Variants in KLHL1 observed in about 807,000 individuals in gnomAD.
KLHL1 encodes kelch-like protein 1.
Under a neutral mutation model 77.7 loss-of-function variants are expected in KLHL1, and 47 were observed. That is an observed-to-expected ratio of 0.60 (90% CI 0.48 to 0.77). KLHL1 has a LOEUF of 0.77. Among genes scored for constraint, KLHL1 ranks in the 30% least tolerant of loss-of-function variants. The pLI is 0.00. For synonymous variants in KLHL1, 360 were observed against 325.2 expected (o/e 1.11, Z -1.15); for missense variants, 925 against 910.8 (o/e 1.02, Z -0.20).
chr13:70,043,650 T>C (rs1486781565), intron 1 of KLHL1, among the ~76,000 whole-genome samples: 1 of 152,220 alleles, frequency 6.6e-6, no homozygotes, highest in Non-Finnish European at 1.5e-5. Flanking sequence ...AATAACATTG[T>C]GTTACAATTG....
intron 5 of KLHL1, among the ~76,000 whole-genome samples, chr13:69,877,568 T>C (rs1880815552): frequency 6.6e-6 from 1 of 152,126 alleles, no homozygotes; most frequent in Non-Finnish European, 1.5e-5. Flanking sequence ...AGGAAAAATA[T>C]GAAAACTATT....
chr13:70,022,281 T>TGTGTGTGTGTGTG lies in KLHL1; in HGVS notation c.498-46480_498-46479insCACACACACACAC, dbSNP rs67661890. On this transcript the variant is annotated intron_variant, in intron 1 of 10. Transcript: ENST00000377844. ...AAAGGTAAGTTGATTACGTGTGTGT[T>TGTGTGTGTGTGTG]TGTGTGTGTGTGTGTGTGTGTGTAT... Among the ~76,000 whole-genome samples the TGTGTGTGTGTGTG allele has an allele frequency of 3.6e-3, 487 of 134,694 alleles. 5 individuals are homozygous for TGTGTGTGTGTGTG. Among genetic ancestry groups the TGTGTGTGTGTGTG allele is most frequent in the African/African-American group, 0.014 (453 of 32,870 alleles). The allele number at this position is 134,694 out of a possible 152,430, so 88.4% of individuals were successfully genotyped here.
intron 6 of KLHL1, among the ~76,000 whole-genome samples, chr13:69,806,021 G>T (rs1176695964): frequency 6.6e-6 from 1 of 151,954 alleles, no homozygotes; most frequent in Non-Finnish European, 1.5e-5. Context: ...TACTGATGAA[G>T]AATAGCTACA....
At chr13:70,032,779 G>T (rs1773962314) in intron 1 of KLHL1, among the ~76,000 whole-genome samples, 1 of 152,070 alleles carries the variant, frequency 6.6e-6, no homozygotes, top group South Asian at 2.1e-4. Context: ...TGAATTCCAT[G>T]CAAAATCATG....
chr13:70,003,133 T>C (rs1267278580), intron 1 of KLHL1, among the ~76,000 whole-genome samples: 2 of 151,704 alleles, frequency 1.3e-5, no homozygotes, highest in African/African-American at 2.4e-5. Context: ...TGTGAAAATA[T>C]GTTCAAACTG....
intron 4 of KLHL1, among the ~76,000 whole-genome samples, chr13:69,899,217 A>G (rs912043832): frequency 6.6e-6 from 1 of 152,202 alleles, no homozygotes; most frequent in East Asian, 1.9e-4. Context: ...ATGGCTCTTC[A>G]GACTATCCAT....
chr13:69,889,043 C>CAT (rs143899294), intron 4 of KLHL1, among the ~76,000 whole-genome samples: 2,743 of 148,424 alleles, frequency 0.018, 34 homozygotes, highest in Middle Eastern at 0.045. Flanking sequence ...TTGCATAGGT[C>CAT]ATATATATAT....
chr13:69,784,140 A>AT (rs1369604241), intron 7 of KLHL1, among the ~76,000 whole-genome samples: 3 of 152,168 alleles, frequency 2.0e-5, no homozygotes, highest in African/African-American at 7.2e-5. Flanking sequence ...ATGCTGAGAG[A>AT]TTTTGTCACC....
chr13:70,092,710 A>G (rs1443430307), intron 1 of KLHL1, among the ~76,000 whole-genome samples: 1 of 152,182 alleles, frequency 6.6e-6, no homozygotes, highest in East Asian at 1.9e-4. Context: ...ATGATGTTAT[A>G]CTAAAAACAA....
At chr13:69,786,118 A>G (rs1035436890) in intron 7 of KLHL1, among the ~76,000 whole-genome samples, 5 of 152,296 alleles carry the variant, frequency 3.3e-5, no homozygotes, top group South Asian at 2.1e-4. Context: ...AACTATTCCA[A>G]TCAATAGAAA....
intron 7 of KLHL1, among the ~76,000 whole-genome samples, chr13:69,745,223 G>T (rs1322993375): frequency 1.3e-5 from 2 of 151,768 alleles, no homozygotes; most frequent in African/African-American, 4.8e-5. Flanking sequence ...CTAAGCATTT[G>T]TTCATGTGTT....
rs531334373 is a variant in KLHL1 at position 69,703,066 on chromosome 13, T to C, written c.2188-1305A>G. 7.9e-5 allele frequency among the ~76,000 whole-genome samples: 12 copies of C among 151,806 alleles called. No homozygotes were observed. The South Asian group carries it at 2.5e-3, about 31-fold the overall frequency. ...TTTATTATCTGATGATTTTCATGGA[T>C]TGTCTCACATCAGAGTCATTTAAGA... On this transcript the variant is annotated intron_variant, in intron 10 of 10. Coordinates refer to ENST00000377844, the MANE Select transcript of KLHL1 (RefSeq NM_020866.3).
chr13:70,095,027 C>CT (rs1377138233), intron 1 of KLHL1, among the ~76,000 whole-genome samples: 3 of 152,168 alleles, frequency 2.0e-5, no homozygotes, highest in Admixed American at 6.6e-5. Flanking sequence ...GGGTATCTCT[C>CT]TTTTTACAGC....
intron 3 of KLHL1, among the ~76,000 whole-genome samples, chr13:69,944,978 C>CT (rs750774784): frequency 0.036 from 2,912 of 79,826 alleles, 205 homozygotes; most frequent in Admixed American, 0.064. Flanking sequence ...TATAAAACTT[C>CT]TTTTTTTTTT....
At chr13:69,792,121 T>TA (rs1014632481) in intron 7 of KLHL1, among the ~76,000 whole-genome samples, 3 of 151,712 alleles carry the variant, frequency 2.0e-5, no homozygotes, top group Admixed American at 6.6e-5. Flanking sequence ...AACTTAAAAC[T>TA]AAAAAAAATT....
At chr13:69,883,208 A>T (rs1333900202) in intron 4 of KLHL1, among the ~76,000 whole-genome samples, 1 of 152,000 alleles carries the variant, frequency 6.6e-6, no homozygotes, top group Non-Finnish European at 1.5e-5. Context: ...TTTTATTCTG[A>T]AGTTTTTGTT....
chr13:69,762,359 T>C (rs1464710489), intron 7 of KLHL1, among the ~76,000 whole-genome samples: 1 of 152,096 alleles, frequency 6.6e-6, no homozygotes, highest in Admixed American at 6.6e-5. Context: ...TCCCTAAAAT[T>C]AGATCAGCTT....
At chr13:69,823,409 G>A (rs1878417773) in intron 6 of KLHL1, among the ~76,000 whole-genome samples, 1 of 151,802 alleles carries the variant, frequency 6.6e-6, no homozygotes, top group South Asian at 2.1e-4. Context: ...GGGGTTGTTG[G>A]TGAGGCGTTA....
chr13:69,958,392 T>G (rs2137265706), intron 3 of KLHL1, among the ~76,000 whole-genome samples: 1 of 151,914 alleles, frequency 6.6e-6, no homozygotes, highest in South Asian at 2.1e-4. Context: ...GTGTTTCCCA[T>G]ATCTTAATAT....
Sources: gnomAD v4.1 joint callset for allele counts (sites outside exome capture counted in the v4.1 genomes callset) on GRCh38, gnomAD v4.1.1 for gene constraint, MANE v1.5 for transcripts, NCBI Gene and HGNC (gene_info 2026-07-23, HGNC 2026-07-21) for gene names.